CNMD: variants seen among roughly 807,000 people sequenced by gnomAD.
The protein encoded by CNMD is chondromodulin.
CNMD carries 30 observed loss-of-function variants against 37.5 expected under a neutral mutation model. That is an observed-to-expected ratio of 0.80 (90% CI 0.60 to 1.09). The LOEUF (loss-of-function observed/expected upper bound fraction) is 1.09, where lower values mean the gene tolerates loss of function less well. Among genes scored for constraint, CNMD ranks in the 50% least tolerant of loss-of-function variants. CNMD has a pLI of 0.00. For synonymous variants in CNMD, 167 were observed against 148.2 expected (o/e 1.13, Z -0.92); for missense variants, 398 against 423.9 (o/e 0.94, Z 0.54).
At chr13:52,711,905 G>A (rs972464259) in intron 5 of CNMD, among the ~76,000 whole-genome samples, 1 of 151,346 alleles carries the variant, frequency 6.6e-6, no homozygotes, top group Non-Finnish European at 1.5e-5. Flanking sequence ...AAGCCTAGTG[G>A]TTTTAAAGGC....
At chr13:52,717,576 C>T (rs1964411632) in intron 4 of CNMD, among the ~76,000 whole-genome samples, 1 of 152,088 alleles carries the variant, frequency 6.6e-6, no homozygotes, top group Non-Finnish European at 1.5e-5. Context: ...TTATTGAAGG[C>T]CTTTTCTGCC....
At position 52,739,140 on chromosome 13, in the gene CNMD, C is replaced by G; in HGVS notation, c.104G>C (p.Ser35Thr). The stretch of plus-strand genomic sequence containing the variant: ...TCCCACCTTGAGCAGCCGCGCGGGG[C>G]TGGAGGGCTTCACCGTCAGCGTAGC... Reference protein sequence around the residue: ...AYATLTVKPSSPARLLKVGAV... With the variant: ...AYATLTVKPSTPARLLKVGAV... The change falls in exon 2 of 7, where the codon AGC (serine) becomes ACC (threonine). Residue 35 changes from serine to threonine, a missense_variant. Ser to Thr is a moderately conservative substitution (Grantham distance 58). Coordinates refer to ENST00000377962, the MANE Select transcript of CNMD (RefSeq NM_007015.3). The surrounding 1 kb of genome is among the most constrained non-coding windows in gnomAD (Gnocchi z 5.4). 6.5e-7 allele frequency: 1 copy of G among 1,538,644 alleles called. No homozygotes were observed. Among genetic ancestry groups the G allele is most frequent in the Non-Finnish European group, 8.7e-7 (1 of 1,149,788 alleles).
chr13:52,739,657 A>G lies in CNMD; in HGVS notation c.45T>C (p.Pro15=), dbSNP rs1347233754. Residue 15 remains proline, a synonymous_variant, in exon 1 of 7, where the codon CCT becomes CCC. Transcript: ENST00000377962. The surrounding 1 kb of genome is among the most constrained non-coding windows in gnomAD (Gnocchi z 5.4). The part of the protein sequence containing the change: ...SDKVPIALVG[P]DDVEFCSPPA... The stretch of plus-strand genomic sequence containing the variant: ...GGGGGCTGCAGAATTCCACGTCATC[A>G]GGTCCCACCAGGGCAATGGGAACTT... The G allele has an allele frequency of 3.1e-6, 5 of 1,614,118 alleles. No individual in the cohort carries two copies. The highest frequency in any genetic ancestry group is 4.2e-6 in the Non-Finnish European group (5 of 1,179,986).
intron 3 of CNMD, among the ~76,000 whole-genome samples, chr13:52,726,011 G>T (rs141681584): frequency 2.1e-3 from 321 of 152,290 alleles, no homozygotes; most frequent in African/African-American, 5.9e-3. Flanking sequence ...AATTAATCAT[G>T]TATACATATG....
intron 4 of CNMD, among the ~76,000 whole-genome samples, chr13:52,722,526 C>G (rs942125415): frequency 6.6e-6 from 1 of 152,138 alleles, no homozygotes; most frequent in Non-Finnish European, 1.5e-5. Flanking sequence ...TGTATGCATA[C>G]CCCCAGCTTA....
intron 4 of CNMD, among the ~76,000 whole-genome samples, chr13:52,720,584 T>C (rs180929489): frequency 1.8e-4 from 28 of 152,304 alleles, no homozygotes; most frequent in Middle Eastern, 3.4e-3. Context: ...CTGCTGGAGT[T>C]TGCTGAGGTC....
chr13:52,718,757 A>C (rs1019663123), intron 4 of CNMD, among the ~76,000 whole-genome samples: 2 of 151,998 alleles, frequency 1.3e-5, no homozygotes, highest in African/African-American at 4.8e-5. Flanking sequence ...TTTTCTTCCA[A>C]TTTTAGAATA....
chr13:52,730,644 T>C (rs1219960676), intron 3 of CNMD, among the ~76,000 whole-genome samples: 1 of 152,202 alleles, frequency 6.6e-6, no homozygotes, highest in Non-Finnish European at 1.5e-5. Flanking sequence ...TCTGTTCATA[T>C]CCTTCGCCCA....
chr13:52,736,028 C>G (rs1448047334), intron 2 of CNMD, among the ~76,000 whole-genome samples: 1 of 151,264 alleles, frequency 6.6e-6, no homozygotes, highest in Non-Finnish European at 1.5e-5. Context: ...GAGTCTTGCT[C>G]TGTCGCCCAG....
At chr13:52,710,493 G>T (rs1390631863) in intron 5 of CNMD, among the ~76,000 whole-genome samples, 2 of 152,164 alleles carry the variant, frequency 1.3e-5, no homozygotes, top group African/African-American at 2.4e-5. Context: ...GTCATTCCCC[G>T]TGTCTCTGAT....
chr13:52,719,291 C>T (rs1316105411), intron 4 of CNMD, among the ~76,000 whole-genome samples: 10 of 151,480 alleles, frequency 6.6e-5, no homozygotes, highest in Admixed American at 5.9e-4. Context: ...GTTTGCCTGT[C>T]TGTGTCTTTT....
At chr13:52,738,926 G>C in intron 2 of CNMD, 105 bp downstream of exon 2, 1 of 1,124,604 alleles carries the variant, frequency 8.9e-7, no homozygotes, top group Non-Finnish European at 1.2e-6. Flanking sequence ...CTGGGCCCGA[G>C]GGGCCCGCCG....
At chr13:52,715,555 A>G (rs1386619822) in intron 4 of CNMD, among the ~76,000 whole-genome samples, 2 of 152,058 alleles carry the variant, frequency 1.3e-5, no homozygotes, top group Admixed American at 6.5e-5. Flanking sequence ...CCCTGTGTCC[A>G]TGTGTTCTCA....
chr13:52,738,397 C>G lies in CNMD; in HGVS notation c.213+634G>C, dbSNP rs188351170. ...AGTAGGACAGCAGTTAGTAAAACAC[C>G]TACTATTAAACCACATGTGATGACT... On this transcript the variant is annotated intron_variant, in intron 2 of 6. Transcript: ENST00000377962. Among the ~76,000 whole-genome samples the G allele has an allele frequency of 2.6e-5, 4 of 152,250 alleles. No homozygotes were observed. The East Asian group carries it at 7.7e-4, about 29-fold the overall frequency.
chr13:52,705,999 ACTT>A (rs1315662519), intron 6 of CNMD, among the ~76,000 whole-genome samples: 1 of 152,236 alleles, frequency 6.6e-6, no homozygotes, highest in Non-Finnish European at 1.5e-5. Context: ...TTTAGAAAAT[ACTT>A]CTTGCTCCAA....
At chr13:52,718,539 G>A (rs1964428067) in intron 4 of CNMD, among the ~76,000 whole-genome samples, 1 of 152,074 alleles carries the variant, frequency 6.6e-6, no homozygotes. Context: ...CTGGTACATT[G>A]TGTTTTTGTT....
At position 52,703,613 on chromosome 13, in the gene CNMD, A is replaced by G. The variant is rs1446206482; in HGVS notation, c.987T>C (p.Arg329=). ...AGTGATTTCACACCATGCCCAAGAT[A>G]CGGGCCACCCACCAGCTACATGGCA... The part of the protein sequence containing the change: ...VIMPCSWWVA[R]ILGMV Residue 329 remains arginine (R), a synonymous_variant, in exon 7 of 7, where the codon CGT becomes CGC. Transcript: ENST00000377962. The G allele has an allele frequency of 6.8e-6, 11 of 1,611,788 alleles. No homozygotes were observed. Among genetic ancestry groups the G allele is most frequent in the African/African-American group, 2.7e-5 (2 of 74,870 alleles).
chr13:52,727,520 T>G (rs1173038485), intron 3 of CNMD, among the ~76,000 whole-genome samples: 3 of 151,926 alleles, frequency 2.0e-5, no homozygotes, highest in Admixed American at 2.0e-4. Context: ...AAAAATTAGC[T>G]AGGTGTGGTG....
At chr13:52,704,659 AT>A (rs1302306757) in intron 6 of CNMD, among the ~76,000 whole-genome samples, 1 of 152,192 alleles carries the variant, frequency 6.6e-6, no homozygotes, top group East Asian at 1.9e-4. Flanking sequence ...AGAAACCCTT[AT>A]CTTTAAATTC....
Sources: allele counts gnomAD v4.1 joint callset (sites outside exome capture counted in the v4.1 genomes callset), GRCh38; gene constraint gnomAD v4.1.1; non-coding constraint Gnocchi (gnomAD v3.1); transcripts MANE v1.5; gene names NCBI Gene and HGNC (gene_info 2026-07-23, HGNC 2026-07-21).